LRP1B: variants seen among roughly 807,000 people sequenced by gnomAD.
LRP1B encodes the protein LDL receptor related protein 1B.
Under a neutral mutation model 556.6 loss-of-function variants are expected in LRP1B, and 217 were observed. The ratio of observed to expected loss-of-function variants is 0.39; its 90% confidence interval spans 0.35 to 0.44. The LOEUF is 0.44. Among genes scored for constraint, LRP1B ranks in the 20% least tolerant of loss-of-function variants. LRP1B has a pLI of 1.00. For synonymous variants in LRP1B, 2,047 were observed against 1,865.8 expected (o/e 1.10, Z -2.50); for missense variants, 5,053 against 5,620.8 (o/e 0.90, Z 3.23).
chr2:140,362,985 G>A (rs1682588862), intron 72 of LRP1B, among the ~76,000 whole-genome samples: 1 of 151,594 alleles, frequency 6.6e-6, no homozygotes, highest in South Asian at 2.1e-4. Flanking sequence ...ATGAATGAAT[G>A]ACACCTTTTC....
At chr2:140,906,349 T>C (rs1694253438) in intron 22 of LRP1B, among the ~76,000 whole-genome samples, 1 of 152,154 alleles carries the variant, frequency 6.6e-6, no homozygotes, top group Non-Finnish European at 1.5e-5. Flanking sequence ...TCATTACTCT[T>C]TTACTTTTCC....
chr2:141,714,011 C>T (rs1245643068), intron 2 of LRP1B, among the ~76,000 whole-genome samples: 1 of 152,110 alleles, frequency 6.6e-6, no homozygotes, highest in Non-Finnish European at 1.5e-5. Context: ...TACTTATCAG[C>T]TGAGTGCTAC....
intron 1 of LRP1B, among the ~76,000 whole-genome samples, chr2:141,822,130 C>CACACACACACAGAGAGAGAGAGAG (rs374369026): frequency 1.0e-5 from 1 of 95,864 alleles, no homozygotes; most frequent in African/African-American, 4.5e-5. Flanking sequence ...CACACACACA[C>CACACACACACAGAGAGAGAGAGAG]AGAGAGAGAG....
At chr2:141,196,728 G>A (rs1681767602) in intron 6 of LRP1B, among the ~76,000 whole-genome samples, 1 of 151,986 alleles carries the variant, frequency 6.6e-6, no homozygotes, top group Non-Finnish European at 1.5e-5. Context: ...TTTTATTGTT[G>A]CTGTTGTTTA....
rs138767358 is a variant in LRP1B at position 140,491,008 on chromosome 2, T to C, written c.9120+1600A>G. On this transcript the variant is annotated intron_variant, in intron 57 of 90. Transcript: ENST00000389484. ...GAGAAAAGAACTATCTTAAAATGTTTTTTTAAAAAAAGAGCATTAAAGTAG... is the reference window on the plus strand; with the variant it reads ...GAGAAAAGAACTATCTTAAAATGTTCTTTTAAAAAAAGAGCATTAAAGTAG... 2.4e-3 allele frequency among the ~76,000 whole-genome samples: 366 copies of C among 152,244 alleles called. 2 individuals are homozygous for C. The highest frequency in any genetic ancestry group is 8.6e-3 in the African/African-American group (357 of 41,560).
intron 3 of LRP1B, among the ~76,000 whole-genome samples, chr2:141,468,259 G>A (rs757592842): frequency 3.9e-5 from 6 of 152,108 alleles, no homozygotes; most frequent in Non-Finnish European, 7.4e-5. Context: ...AGTCATTGGC[G>A]GAAAGGAGGA....
chr2:141,948,788 A>T (rs1262806011), intron 1 of LRP1B, among the ~76,000 whole-genome samples: 1 of 152,066 alleles, frequency 6.6e-6, no homozygotes, highest in African/African-American at 2.4e-5. Flanking sequence ...AATATACAAA[A>T]CATAAAAATA....
chr2:141,916,143 A>G (rs1394847180), intron 1 of LRP1B, among the ~76,000 whole-genome samples: 3 of 152,184 alleles, frequency 2.0e-5, no homozygotes, highest in East Asian at 1.9e-4. Context: ...CTGCAGCACT[A>G]TTAACAACAG....
At chr2:142,067,408 A>G (rs1705147366) in intron 1 of LRP1B, among the ~76,000 whole-genome samples, 1 of 151,512 alleles carries the variant, frequency 6.6e-6, no homozygotes. Flanking sequence ...ATCAGAAACT[A>G]AATTATCCAA....
chr2:141,666,703 A>G (rs559853222), intron 2 of LRP1B, among the ~76,000 whole-genome samples: 7 of 152,310 alleles, frequency 4.6e-5, no homozygotes, highest in Admixed American at 3.3e-4. Context: ...AAACCAGTGG[A>G]GAGAGCTCTA....
chr2:141,069,572 G>A (rs756550633), intron 7 of LRP1B, among the ~76,000 whole-genome samples: 12 of 151,748 alleles, frequency 7.9e-5, no homozygotes, highest in East Asian at 1.9e-4. Context: ...CTTACTCCAC[G>A]TCCCTATTCT....
chr2:140,855,294 T>C (rs1289325115), intron 27 of LRP1B, among the ~76,000 whole-genome samples: 1 of 140,834 alleles, frequency 7.1e-6, no homozygotes, highest in Non-Finnish European at 1.5e-5. Context: ...CTAACTAATC[T>C]TTGATATCTA....
intron 2 of LRP1B, among the ~76,000 whole-genome samples, chr2:141,487,175 T>C (rs1476326722): frequency 3.3e-5 from 5 of 152,212 alleles, no homozygotes; most frequent in Non-Finnish European, 7.3e-5. Flanking sequence ...CTGTCATTTC[T>C]TTTCCTGCAA....
At chr2:141,903,584 T>C (rs1699680267) in intron 1 of LRP1B, among the ~76,000 whole-genome samples, 1 of 151,954 alleles carries the variant, frequency 6.6e-6, no homozygotes, top group African/African-American at 2.4e-5. Flanking sequence ...GATGGAATTT[T>C]TAATTAAAAA....
intron 43 of LRP1B, among the ~76,000 whole-genome samples, chr2:140,567,714 C>T (rs572911420): frequency 5.3e-5 from 8 of 152,300 alleles, no homozygotes; most frequent in East Asian, 3.9e-4. Flanking sequence ...AGTTGCTTGT[C>T]GCCTATGTCA....
At chr2:141,175,229 A>G (rs148734083) in intron 7 of LRP1B, among the ~76,000 whole-genome samples, 1 of 152,308 alleles carries the variant, frequency 6.6e-6, no homozygotes, top group East Asian at 1.9e-4. Context: ...TGTGATAGAA[A>G]AGAAAAATCC....
chr2:140,359,913 T>C (rs1682429361), intron 72 of LRP1B, among the ~76,000 whole-genome samples: 2 of 151,756 alleles, frequency 1.3e-5, no homozygotes, highest in South Asian at 4.1e-4. Flanking sequence ...TCTAATGTAT[T>C]CCTCTCATTG....
chr2:141,490,370 C>CGTGTGTGTGT (rs767310378), intron 2 of LRP1B, among the ~76,000 whole-genome samples: 47 of 121,304 alleles, frequency 3.9e-4, no homozygotes, highest in African/African-American at 1.4e-3. Context: ...AAAATAGCCT[C>CGTGTGTGTGT]GTGTGTGTGT....
chr2:141,198,798 A>G (rs1681871042), intron 6 of LRP1B, among the ~76,000 whole-genome samples: 1 of 152,200 alleles, frequency 6.6e-6, no homozygotes, highest in Non-Finnish European at 1.5e-5. Context: ...CCAGTAGGCA[A>G]ACATTATATT....
Sources: allele counts gnomAD v4.1 joint callset (sites outside exome capture counted in the v4.1 genomes callset), GRCh38; gene constraint gnomAD v4.1.1; transcripts MANE v1.5; gene names NCBI Gene and HGNC (gene_info 2026-07-23, HGNC 2026-07-21).